RYR3: variants seen among roughly 807,000 people sequenced by gnomAD.
RYR3 encodes the protein brain ryanodine receptor-calcium release channel.
RYR3 carries 207 observed loss-of-function variants against 584.3 expected under a neutral mutation model. The observed-to-expected ratio is 0.35, with a 90% CI of 0.32 to 0.40. The LOEUF is 0.40. Ranked by LOEUF, RYR3 falls within the 10% of genes least tolerant of loss-of-function variation. RYR3 has a pLI of 1.00. For synonymous variants in RYR3, 2,416 were observed against 2,248.5 expected, an observed-to-expected ratio of 1.07 and a Z score of -2.11; for missense variants, 5,616 against 6,089.2, an observed-to-expected ratio of 0.92 and a Z score of 2.59.
chr15:33,758,960 CTT>C (rs900262526), intron 60 of RYR3, among the ~76,000 whole-genome samples: 3 of 152,220 alleles, frequency 2.0e-5, no homozygotes, highest in African/African-American at 7.2e-5. Flanking sequence ...AAGCAGCAAT[CTT>C]TGCTGTTCTG....
In RYR3 at chr15:33,368,338, C is replaced by CTTTTTTTTTT. The variant is rs35491164; in HGVS notation, c.51+57258_51+57267dup. On this transcript the variant is annotated intron_variant, in intron 1 of 103. Coordinates refer to ENST00000634891, the MANE Select transcript of RYR3 (RefSeq NM_001036.6). ...TGTTTCTTCATTGTAGCCTTCCTGT[C>CTTTTTTTTTT]TTTTTTTTTTTTTTTTTTTTTTTTT... Among the ~76,000 whole-genome samples the CTTTTTTTTTT allele has an allele frequency of 3.6e-4, 31 of 85,842 alleles. 1 individual carries two copies. Among genetic ancestry groups the CTTTTTTTTTT allele is most frequent in the African/African-American group, 1.2e-3 (25 of 20,276 alleles). The allele number at this position is 85,842 out of a possible 152,430, so 56.3% of individuals were successfully genotyped here.
At chr15:33,322,105 C>T (rs552359256) in intron 1 of RYR3, among the ~76,000 whole-genome samples, 1 of 152,318 alleles carries the variant, frequency 6.6e-6, no homozygotes, top group South Asian at 2.1e-4. Flanking sequence ...GTCACACATG[C>T]ATCTTAGAAC....
intron 37 of RYR3, among the ~76,000 whole-genome samples, chr15:33,669,674 G>C (rs1274645776): frequency 6.6e-6 from 1 of 152,168 alleles, no homozygotes; most frequent in Non-Finnish European, 1.5e-5. Flanking sequence ...ACCTAAAAGA[G>C]CCTGTGCTGA....
intron 103 of RYR3, chr15:33,864,706 A>G (rs999085536): frequency 6.1e-5 from 11 of 181,510 alleles, no homozygotes; most frequent in Admixed American, 5.5e-5. Flanking sequence ...TTCAAACATC[A>G]TTGGCTTTGT....
In RYR3 at chr15:33,550,285, A is replaced by G. The variant is rs751289333; in HGVS notation, c.941A>G (p.Lys314Arg). 6.2e-7 allele frequency: 1 copy of G among 1,613,520 alleles called. No homozygotes were observed. Among genetic ancestry groups the G allele is most frequent in the South Asian group, 1.1e-5 (1 of 90,892 alleles). ...CAAGACCGGGCAAAGTCAGACACCA[A>G]GTCCACAGCTTTCTCTTTCCGGGCA... ...ILQDRAKSDT[K>R]STAFSFRASK... is the part of the protein sequence containing the mutation. The change falls in exon 10 of 104, where the codon AAG becomes AGG. Residue 314 changes from lysine to arginine, a missense_variant. Around this residue, in one of 9 missense-constraint regions of RYR3, gnomAD observed 1,284 missense variants for 1,344.6 expected, o/e 0.95. Coordinates refer to ENST00000634891, the MANE Select transcript of RYR3 (RefSeq NM_001036.6).
At position 33,579,941 on chromosome 15, in the gene RYR3, C is replaced by T. The variant is rs1417721314; in HGVS notation, c.1269-35C>T. On this transcript the variant is annotated intron_variant, in intron 12 of 103. Coordinates refer to ENST00000634891, the MANE Select transcript of RYR3 (RefSeq NM_001036.6). ...TGTTCATCAGGGCCCTGCTGCTGGCCAGTGCCTAAACCATGTCAATCTCAT... is the reference window on the plus strand; with the variant it reads ...TGTTCATCAGGGCCCTGCTGCTGGCTAGTGCCTAAACCATGTCAATCTCAT... The T allele has an allele frequency of 5.2e-6, 8 of 1,552,974 alleles. No individual in the cohort carries two copies. In the African/African-American group the frequency reaches 1.1e-4, roughly 21 times the overall value.
Position 33,634,652 on chromosome 15 carries a change from T to A in RYR3, c.3094T>A (p.Ser1032Thr). 9 of 1,613,854 alleles carry A rather than the reference T, an allele frequency of 5.6e-6. No individual in the cohort carries two copies. The highest frequency in any genetic ancestry group is 6.8e-6 in the Non-Finnish European group (8 of 1,179,822). Residue 1032 changes from serine (S) to threonine (T), a missense_variant, in exon 25 of 104, where the codon TCA becomes ACA. Coordinates refer to ENST00000634891, the MANE Select transcript of RYR3 (RefSeq NM_001036.6). ...YALLDERTKK[S>T]NRDSLREAVR... is the part of the protein sequence containing the mutation. ...ATTACTGGATGAGCGTACCAAGAAG[T>A]CAAACAGGGACAGCCTGCGGGAAGC...
chr15:33,681,549 A>G (rs929161760), intron 38 of RYR3, among the ~76,000 whole-genome samples: 1 of 152,180 alleles, frequency 6.6e-6, no homozygotes. Flanking sequence ...TACTACTGGG[A>G]GAAATAAAGT....
chr15:33,675,488 T>C (rs558378827), intron 38 of RYR3, among the ~76,000 whole-genome samples: 1 of 152,286 alleles, frequency 6.6e-6, no homozygotes, highest in South Asian at 2.1e-4. Context: ...AAATGATTAA[T>C]TTACTTAACA....
chr15:33,670,531 G>A lies in RYR3; in HGVS notation c.5835G>A (p.Pro1945=), dbSNP rs372899243. ...CACCCAAGCCAGAGAAGGAGCAGCC[G>A]ACGGAGGAGGAGGAGAGATGCCCCA... ...KGPPKPEKEQ[P]TEEEERCPTT... Residue 1945 remains proline, a synonymous_variant, in exon 38 of 104, where the codon CCG becomes CCA. Transcript: ENST00000634891. 50 of 1,594,446 alleles carry A rather than the reference G, an allele frequency of 3.1e-5. No homozygotes were observed. The highest frequency in any genetic ancestry group is 3.1e-4 in the African/African-American group (23 of 73,690).
chr15:33,500,364 AGG>A (rs957138169), intron 2 of RYR3, among the ~76,000 whole-genome samples: 1 of 152,194 alleles, frequency 6.6e-6, no homozygotes, highest in Non-Finnish European at 1.5e-5. Context: ...ACTACAAAAC[AGG>A]GGCAGCAGAT....
intron 101 of RYR3, 49 bp from the exon 102 acceptor site, chr15:33,861,029 T>G: frequency 3.0e-6 from 4 of 1,325,836 alleles, no homozygotes; most frequent in Non-Finnish European, 4.3e-6. Flanking sequence ...TTTTCTCTCC[T>G]GCCTATATTA....
At chr15:33,407,887 TG>T (rs2043131716) in intron 1 of RYR3, among the ~76,000 whole-genome samples, 1 of 152,176 alleles carries the variant, frequency 6.6e-6, no homozygotes, top group Non-Finnish European at 1.5e-5. Flanking sequence ...ATATATTACT[TG>T]TTTCCCCTCT....
chr15:33,816,085 C>T (rs571275273), intron 74 of RYR3, among the ~76,000 whole-genome samples: 104 of 152,312 alleles, frequency 6.8e-4, no homozygotes, highest in African/African-American at 2.4e-3. Context: ...GGGCTGTGTC[C>T]TACCGAAAAC....
intron 2 of RYR3, among the ~76,000 whole-genome samples, chr15:33,491,126 C>T (rs1002332254): frequency 3.9e-5 from 6 of 152,148 alleles, no homozygotes; most frequent in African/African-American, 1.2e-4. Context: ...CAGTCATTGA[C>T]CTTATACACC....
intron 10 of RYR3, among the ~76,000 whole-genome samples, chr15:33,560,687 T>G (rs2057353009): frequency 6.6e-6 from 1 of 152,200 alleles, no homozygotes; most frequent in Admixed American, 6.5e-5. Context: ...GTTACTGGCT[T>G]GAGTGTCTCT....
At chr15:33,418,160 C>T (rs974540034) in intron 1 of RYR3, among the ~76,000 whole-genome samples, 1 of 152,002 alleles carries the variant, frequency 6.6e-6, no homozygotes, top group African/African-American at 2.4e-5. Flanking sequence ...GTTTCTTTGC[C>T]AGATTTGGGT....
At chr15:33,582,102 G>A (rs2058623046) in intron 14 of RYR3, among the ~76,000 whole-genome samples, 2 of 152,164 alleles carry the variant, frequency 1.3e-5, no homozygotes, top group South Asian at 4.1e-4. Flanking sequence ...AGAAAAAGGT[G>A]GGAAGTAAGA....
chr15:33,382,319 C>CTTTTTTTTTTTTTTTTT (rs34767570), intron 1 of RYR3, among the ~76,000 whole-genome samples: 1 of 104,778 alleles, frequency 9.5e-6, no homozygotes, highest in Admixed American at 1.1e-4. Context: ...TTAAAAGTGG[C>CTTTTTTTTTTTTTTTTT]TTTTTTTTTT....
Sources: gnomAD v4.1 joint callset for allele counts (sites outside exome capture counted in the v4.1 genomes callset) on GRCh38, gnomAD v4.1.1 for gene constraint, gnomAD v4.1.1 regional missense constraint, MANE v1.5 for transcripts, NCBI Gene and HGNC (gene_info 2026-07-23, HGNC 2026-07-21) for gene names.